The following AOPEP variants were observed in gnomAD, a reference collection of about 807,000 sequenced individuals.
AOPEP encodes the protein aminopeptidase O.
In AOPEP, 77 loss-of-function variants were observed where a neutral mutation model predicts 98.1. The observed-to-expected ratio is 0.78, with a 90% confidence interval of 0.65 to 0.95. The LOEUF (loss-of-function observed/expected upper bound fraction) is 0.95, where lower values mean the gene tolerates loss of function less well. Among genes scored for constraint, AOPEP ranks in the 40% least tolerant of loss-of-function variants. The probability of loss-of-function intolerance (pLI) is 0.00; values close to 1 mark genes in which losing one functional copy is unlikely to be tolerated. For synonymous variants in AOPEP, 346 were observed against 365.3 expected (o/e 0.95, Z 0.60); for missense variants, 1,024 against 1,024.7 (o/e 1.00, Z 0.01).
intron 7 of AOPEP, among the ~76,000 whole-genome samples, chr9:94,943,549 G>A (rs1238238123): frequency 6.6e-6 from 1 of 150,702 alleles, no homozygotes; most frequent in East Asian, 1.9e-4. Context: ...AGCTGAGATC[G>A]TGCCCCTGCA....
At chr9:95,041,580 G>GAAA in intron 13 of AOPEP, among the ~76,000 whole-genome samples, 1 of 152,010 alleles carries the variant, frequency 6.6e-6, no homozygotes, top group Non-Finnish European at 1.5e-5. Flanking sequence ...GAAGACTTCA[G>GAAA]CCTTTAGGGG....
Position 94,917,057 on chromosome 9 carries a change from C to A in AOPEP, c.1365-6929C>A, listed in dbSNP as rs2052932658. On this transcript the variant is annotated intron_variant, in intron 5 of 16. Transcript: ENST00000375315. ...TTTTGATGACCATAACCGGCAGAAC[C>A]TGCCCCCACCCCACCCCCAGGCTAA... Among the ~76,000 whole-genome samples, 4 of 151,810 alleles carry A rather than the reference C, an allele frequency of 2.6e-5. No homozygotes were observed. The South Asian group carries it at 8.3e-4, about 31-fold the overall frequency.
rs377107931 is a variant in AOPEP, at chr9:95,081,118, T to G, written c.2319+338T>G. Among the ~76,000 whole-genome samples, 3 of 152,238 alleles carry G rather than the reference T, an allele frequency of 2.0e-5. 1 individual carries two copies. The highest frequency in any genetic ancestry group is 7.2e-5 in the African/African-American group (3 of 41,540). On this transcript the variant is annotated intron_variant, in intron 15 of 16. Coordinates refer to ENST00000375315, the MANE Select transcript of AOPEP (RefSeq NM_001193329.3). Reference sequence around the variant, plus strand: ...GGTAGATCCCTGATTTCAGTGGCCCTCATTTAAAGTACACGTGCAAGTCAG... The same window carrying G: ...GGTAGATCCCTGATTTCAGTGGCCCGCATTTAAAGTACACGTGCAAGTCAG...
chr9:95,072,497 G>A (rs2068611442), intron 14 of AOPEP, among the ~76,000 whole-genome samples: 1 of 152,140 alleles, frequency 6.6e-6, no homozygotes, highest in South Asian at 2.1e-4. Context: ...TCCAGGCATA[G>A]TGGCATGCAC....
downstream of AOPEP, among the ~76,000 whole-genome samples, chr9:95,089,361 C>T (rs141034782): frequency 5.4e-4 from 83 of 152,358 alleles, no homozygotes; most frequent in Admixed American, 1.4e-3. Context: ...ATAGCACCTT[C>T]GGAGAGCAGG....
At chr9:94,743,417 A>C (rs1833720671) in intron 1 of AOPEP, among the ~76,000 whole-genome samples, 1 of 152,198 alleles carries the variant, frequency 6.6e-6, no homozygotes, top group South Asian at 2.1e-4. Flanking sequence ...TTTGAAAGTA[A>C]ACTTGTAGTG....
chr9:94,790,760 T>C (rs1845532631), intron 3 of AOPEP, among the ~76,000 whole-genome samples: 1 of 151,998 alleles, frequency 6.6e-6, no homozygotes, highest in Admixed American at 6.6e-5. Context: ...CTATTATTGG[T>C]TTTTAGTGGT....
chr9:94,820,607 C>T (rs1328336783), intron 5 of AOPEP, among the ~76,000 whole-genome samples: 1 of 152,152 alleles, frequency 6.6e-6, no homozygotes, highest in Non-Finnish European at 1.5e-5. Flanking sequence ...GTAAACAATG[C>T]TGTGTTGAGC....
At chr9:94,908,491 G>A (rs1370888961) in intron 5 of AOPEP, among the ~76,000 whole-genome samples, 2 of 152,200 alleles carry the variant, frequency 1.3e-5, no homozygotes, top group African/African-American at 4.8e-5. Context: ...GTGGGGAAGG[G>A]AAAAGGGAGC....
At chr9:95,102,026 C>G in the AOPEP span, among the ~76,000 whole-genome samples, 1 of 152,218 alleles carries the variant, frequency 6.6e-6, no homozygotes, top group Non-Finnish European at 1.5e-5. Context: ...CATAGCAAGT[C>G]TGTCTCCAAG....
At chr9:94,778,653 G>A (rs1842679487) in intron 3 of AOPEP, among the ~76,000 whole-genome samples, 1 of 152,148 alleles carries the variant, frequency 6.6e-6, no homozygotes, top group African/African-American at 2.4e-5. Context: ...GGAATTTCTG[G>A]GGTAATGGAA....
chr9:95,029,416 C>G (rs2064112946), intron 13 of AOPEP, among the ~76,000 whole-genome samples: 1 of 152,166 alleles, frequency 6.6e-6, no homozygotes, highest in African/African-American at 2.4e-5. Context: ...CTTCCAAAGC[C>G]TGTGTTTTCT....
Position 95,060,884 on chromosome 9 carries a change from C to T in AOPEP, c.2232+74C>T, listed in dbSNP as rs540727183. The T allele has an allele frequency of 3.4e-4, 319 of 939,482 alleles. 4 individuals are homozygous for T. In the African/African-American group the frequency reaches 4.6e-3, roughly 14 times the overall value. 58.2% of individuals were successfully genotyped at this position (939,482 alleles called of 1,614,324 possible). On this transcript the variant is annotated intron_variant, in intron 14 of 16. Coordinates refer to ENST00000375315, the MANE Select transcript of AOPEP (RefSeq NM_001193329.3). The stretch of plus-strand genomic sequence containing the variant: ...TGAAGAATGGTGATCCCATTGCAGT[C>T]CCAAACTATTGAAACCACCATTTCT...
chr9:95,141,319 A>T, the AOPEP span, among the ~76,000 whole-genome samples: 1 of 148,388 alleles, frequency 6.7e-6, no homozygotes, highest in Non-Finnish European at 1.5e-5. Context: ...CTCAAAAAAA[A>T]AAAAAAAAAA....
intron 13 of AOPEP, among the ~76,000 whole-genome samples, chr9:95,013,601 G>A (rs534068648): frequency 6.6e-5 from 10 of 152,170 alleles, no homozygotes; most frequent in African/African-American, 2.4e-4. Context: ...TATATTTAAT[G>A]TTCATCATCT....
At chr9:95,016,070 C>T (rs2062956056) in intron 13 of AOPEP, among the ~76,000 whole-genome samples, 1 of 151,840 alleles carries the variant, frequency 6.6e-6, no homozygotes, top group South Asian at 2.1e-4. Context: ...TTTAGGCTAC[C>T]TCTGAACTTG....
the AOPEP span, among the ~76,000 whole-genome samples, chr9:95,137,104 C>T: frequency 4.6e-5 from 7 of 152,204 alleles, no homozygotes; most frequent in African/African-American, 7.2e-5. Context: ...AAAGTGGGGG[C>T]GTAAGCCTCC....
In AOPEP at chr9:94,903,639, A is replaced by AC. The variant is rs397821617; in HGVS notation, c.1365-20346dup. On this transcript the variant is annotated intron_variant, in intron 5 of 16. Coordinates refer to ENST00000375315, the MANE Select transcript of AOPEP (RefSeq NM_001193329.3). ...CTCCATCTCTAAAAAAAAAAAAAAA[A>AC]CAGTTTTCAAGTTTGCCTGGGTGTG... Among the ~76,000 whole-genome samples, 7 of 150,720 alleles carry AC rather than the reference A, an allele frequency of 4.6e-5. No homozygotes were observed. In the South Asian group the frequency reaches 1.3e-3, roughly 27 times the overall value.
intron 7 of AOPEP, among the ~76,000 whole-genome samples, chr9:94,953,720 C>T (rs573878840): frequency 6.6e-6 from 1 of 152,106 alleles, no homozygotes; most frequent in Non-Finnish European, 1.5e-5. Flanking sequence ...TTTAAAATAA[C>T]CCCTTGCTTT....
Sources: gnomAD v4.1 joint callset for allele counts (sites outside exome capture counted in the v4.1 genomes callset) on GRCh38, gnomAD v4.1.1 for gene constraint, MANE v1.5 for transcripts, NCBI Gene and HGNC (gene_info 2026-07-23, HGNC 2026-07-21) for gene names.